DCP1A: variants seen among roughly 807,000 people sequenced by gnomAD.
DCP1A encodes the protein decapping mRNA 1A.
DCP1A carries 20 observed loss-of-function variants against 58.0 expected under a neutral mutation model. The observed-to-expected ratio is 0.34, with a 90% CI of 0.24 to 0.50. The LOEUF (loss-of-function observed/expected upper bound fraction) is 0.50. DCP1A is among the 20% of genes least tolerant of loss of function. DCP1A has a pLI of 0.98. For synonymous variants in DCP1A, 285 were observed against 275.1 expected, an observed-to-expected ratio of 1.04 and a Z score of -0.36; for missense variants, 613 against 712.2, an observed-to-expected ratio of 0.86 and a Z score of 1.59.
At chr3:53,341,513 ATCTGTTCCCATCCTGTGTG>A (rs1233639345) in intron 3 of DCP1A, among the ~76,000 whole-genome samples, 3 of 152,138 alleles carry the variant, frequency 2.0e-5, no homozygotes, top group Admixed American at 1.3e-4. Flanking sequence ...AATTATCTGT[ATCTGTTCCCATCCTGTGTG>A]TCCCAAACTA....
intron 6 of DCP1A, among the ~76,000 whole-genome samples, chr3:53,302,510 C>T (rs1022801303): frequency 6.6e-6 from 1 of 152,064 alleles, no homozygotes; most frequent in Admixed American, 6.5e-5. Context: ...TTTTGGTGGG[C>T]AGGAGACAGA....
intron 3 of DCP1A, among the ~76,000 whole-genome samples, chr3:53,334,814 G>A (rs1300375622): frequency 2.6e-5 from 4 of 152,158 alleles, no homozygotes; most frequent in African/African-American, 9.7e-5. Flanking sequence ...TGACAGCACT[G>A]CTGTGGGAGC....
At chr3:53,325,064 G>A (rs1708071984) in intron 3 of DCP1A, among the ~76,000 whole-genome samples, 2 of 152,190 alleles carry the variant, frequency 1.3e-5, no homozygotes, top group South Asian at 4.1e-4. Context: ...GAACTATTTT[G>A]TATTGAGAAA....
At chr3:53,338,088 T>A (rs1452832941) in intron 3 of DCP1A, 6 of 415,772 alleles carry the variant, frequency 1.4e-5, no homozygotes, top group Non-Finnish European at 2.4e-5. Context: ...TGTCACTTAT[T>A]ACCTTTGCGA....
At chr3:53,324,331 C>T (rs1246485359) in intron 3 of DCP1A, among the ~76,000 whole-genome samples, 2 of 152,184 alleles carry the variant, frequency 1.3e-5, no homozygotes, top group African/African-American at 2.4e-5. Flanking sequence ...ACGGTCAGTG[C>T]GTGCAACTGG....
chr3:53,337,620 C>T (rs1442335137), intron 3 of DCP1A, among the ~76,000 whole-genome samples: 5 of 152,186 alleles, frequency 3.3e-5, no homozygotes, highest in Non-Finnish European at 7.3e-5. Flanking sequence ...GTTACCATGG[C>T]AAAGCCACCC....
intron 4 of DCP1A, among the ~76,000 whole-genome samples, chr3:53,315,718 C>T (rs550777535): frequency 3.2e-4 from 45 of 140,550 alleles, no homozygotes; most frequent in Non-Finnish European, 6.5e-4. Flanking sequence ...TTTTTATAAA[C>T]ATTGTTTGGA....
At chr3:53,291,005 A>T in intron 7 of DCP1A, 149 bp from the exon 8 acceptor site, 1 of 724,012 alleles carries the variant, frequency 1.4e-6, no homozygotes. Flanking sequence ...TAGATTCCCA[A>T]GGGAAGAGTC....
chr3:53,313,093 GA>G (rs1216247175), intron 4 of DCP1A, among the ~76,000 whole-genome samples: 1 of 151,834 alleles, frequency 6.6e-6, no homozygotes, highest in Non-Finnish European at 1.5e-5. Flanking sequence ...GGAAAGTTTG[GA>G]TTGACACTGG....
chr3:53,314,119 C>T (rs781896271), intron 4 of DCP1A, among the ~76,000 whole-genome samples: 1 of 152,084 alleles, frequency 6.6e-6, no homozygotes, highest in Non-Finnish European at 1.5e-5. Flanking sequence ...GTCTCAAACT[C>T]CTGGCCTCAA....
At chr3:53,340,575 AC>A (rs1299937594) in intron 3 of DCP1A, among the ~76,000 whole-genome samples, 4 of 131,688 alleles carry the variant, frequency 3.0e-5, no homozygotes, top group South Asian at 2.9e-4. Context: ...AAGACCAATT[AC>A]CCCCCCGCCA....
intron 5 of DCP1A, among the ~76,000 whole-genome samples, chr3:53,310,919 A>T (rs1707624166): frequency 6.6e-6 from 1 of 152,220 alleles, no homozygotes; most frequent in African/African-American, 2.4e-5. Flanking sequence ...CTTTCAGAAC[A>T]CTTTTTTCAA....
intron 4 of DCP1A, among the ~76,000 whole-genome samples, chr3:53,313,144 T>C (rs1707699576): frequency 6.6e-6 from 1 of 152,182 alleles, no homozygotes; most frequent in Admixed American, 6.5e-5. Context: ...ATAGAGGTCT[T>C]GGTGAATCCT....
intron 3 of DCP1A, among the ~76,000 whole-genome samples, chr3:53,321,720 AAAAC>A (rs1235321561): frequency 6.6e-6 from 1 of 152,224 alleles, no homozygotes; most frequent in African/African-American, 2.4e-5. Flanking sequence ...ACTCCGTCTC[AAAAC>A]AAACAAAAAA....
chr3:53,329,405 G>A (rs992723888), intron 3 of DCP1A: 1 of 398,486 alleles, frequency 2.5e-6, no homozygotes, highest in Non-Finnish European at 4.4e-6. Flanking sequence ...AGTGATAAGT[G>A]AAGCAGAAAC....
chr3:53,306,585 C>G (rs1707477967), intron 5 of DCP1A, among the ~76,000 whole-genome samples: 1 of 151,714 alleles, frequency 6.6e-6, no homozygotes, highest in Admixed American at 6.6e-5. Context: ...TCCTGGCTAA[C>G]ACTGTGAAAC....
chr3:53,342,049 G>A, intron 3 of DCP1A, 95 bp downstream of exon 3: 1 of 1,107,512 alleles, frequency 9.0e-7, no homozygotes, highest in Non-Finnish European at 1.3e-6. Context: ...ACCATATTTT[G>A]TTTTGTAATT....
intron 5 of DCP1A, among the ~76,000 whole-genome samples, chr3:53,311,527 C>T (rs1707643298): frequency 6.6e-6 from 1 of 152,082 alleles, no homozygotes; most frequent in South Asian, 2.1e-4. Flanking sequence ...ATTTTATCAG[C>T]TAATTTATAA....
rs782563087 is a variant in DCP1A at position 53,292,593 on chromosome 3, C to G, written c.859G>C (p.Glu287Gln). ...GTGATTAGCACCGGGGTGGTGATTT[C>G]AGGCTGGACTGAATGGTGGGCAGCA... ...PSAAHHSVQP[E>Q]ITTPVLITPA... Residue 287 changes from glutamate to glutamine, a missense_variant, in exon 7 of 10, where the codon GAA (glutamate) becomes CAA (glutamine). By Grantham distance (29) the Glu-to-Gln change is conservative. Transcript: ENST00000610213. 21 of 1,613,834 alleles carry G rather than the reference C, an allele frequency of 1.3e-5. No homozygotes were observed. The highest frequency in any genetic ancestry group is 1.8e-5 in the Non-Finnish European group (21 of 1,179,864).
Sources: allele counts gnomAD v4.1 joint callset (sites outside exome capture counted in the v4.1 genomes callset), GRCh38; gene constraint gnomAD v4.1.1; transcripts MANE v1.5; gene names NCBI Gene and HGNC (gene_info 2026-07-23, HGNC 2026-07-21).